The following IP6K2 variants were observed in gnomAD, a reference collection of about 807,000 sequenced individuals.
IP6K2 encodes inositol hexakisphosphate kinase 2.
Under a neutral mutation model 43.3 loss-of-function variants are expected in IP6K2, and 9 were observed. That is an observed-to-expected ratio of 0.21 (90% CI 0.13 to 0.36). The LOEUF (loss-of-function observed/expected upper bound fraction) is 0.36. IP6K2 is among the 10% of genes least tolerant of loss of function. The probability of loss-of-function intolerance (pLI) is 1.00; values close to 1 mark genes in which losing one functional copy is unlikely to be tolerated. For missense variants in IP6K2, 332 were observed against 538.4 expected (o/e 0.62, Z 3.79); for synonymous variants, 209 against 202.4 (o/e 1.03, Z -0.28).
At chr3:48,709,055 G>C (rs535460383) in intron 1 of IP6K2, among the ~76,000 whole-genome samples, 1 of 152,208 alleles carries the variant, frequency 6.6e-6, no homozygotes, top group East Asian at 1.9e-4. Flanking sequence ...GTGACAGAGC[G>C]AGACACTGTC....
At chr3:48,703,182 C>G (rs1322490651) in intron 1 of IP6K2, among the ~76,000 whole-genome samples, 1 of 152,180 alleles carries the variant, frequency 6.6e-6, no homozygotes, top group Non-Finnish European at 1.5e-5. Flanking sequence ...AAACAAAACC[C>G]AAGTTCTTAA....
intron 1 of IP6K2, among the ~76,000 whole-genome samples, chr3:48,698,055 C>A (rs1362491019): frequency 6.6e-6 from 1 of 152,044 alleles, no homozygotes; most frequent in Non-Finnish European, 1.5e-5. Flanking sequence ...CAGGAAGGCA[C>A]GTATTGAGAA....
chr3:48,692,415 C>A (rs2077882451), intron 3 of IP6K2, among the ~76,000 whole-genome samples: 1 of 152,214 alleles, frequency 6.6e-6, no homozygotes, highest in Admixed American at 6.5e-5. Flanking sequence ...TCCAGTACAA[C>A]CAGGTTCCCC....
intron 1 of IP6K2, among the ~76,000 whole-genome samples, chr3:48,705,976 C>T (rs1361029293): frequency 6.6e-6 from 1 of 151,476 alleles, no homozygotes; most frequent in Non-Finnish European, 1.5e-5. Context: ...GAGGCCAAGG[C>T]AGGTGGATCA....
At position 48,690,802 on chromosome 3, in the gene IP6K2, AAGAAAAAAAAGAG is replaced by A. The variant is rs1433376477; in HGVS notation, c.604+492_604+504del. Among the ~76,000 whole-genome samples the A allele has an allele frequency of 7.0e-3, 1,056 of 151,256 alleles. 13 individuals carry two copies. The highest frequency in any genetic ancestry group is 0.025 in the African/African-American group (1,016 of 41,210). ...GACTCTGTCTCAAAAAAAAAAAAAA[AAGAAAAAAAAGAG>A]AGAGAGAGGAAAAAAAGAAAAGAGA... On this transcript the variant is annotated intron_variant, in intron 4 of 5. Transcript: ENST00000328631.
intron 1 of IP6K2, among the ~76,000 whole-genome samples, chr3:48,698,469 A>T (rs759437884): frequency 1.2e-4 from 18 of 151,782 alleles, no homozygotes; most frequent in Non-Finnish European, 2.1e-4. Flanking sequence ...CATCTCTACA[A>T]TTTTTTTGTT....
At chr3:48,700,899 A>AC (rs2078945635) in intron 1 of IP6K2, among the ~76,000 whole-genome samples, 1 of 152,196 alleles carries the variant, frequency 6.6e-6, no homozygotes, top group South Asian at 2.1e-4. Flanking sequence ...CAGAGCCACC[A>AC]CCCAGCATCT....
chr3:48,696,087 C>T lies in IP6K2; in HGVS notation c.-130-666G>A, dbSNP rs375587687. On this transcript the variant is annotated intron_variant, in intron 1 of 5. Transcript: ENST00000328631. Reference sequence around the variant, plus strand: ...TTTTAGTAGAGACGGGGTTTCACCACGTTGGCTGGCATGGTCTTGATCTCT... The same window carrying T: ...TTTTAGTAGAGACGGGGTTTCACCATGTTGGCTGGCATGGTCTTGATCTCT... Among the ~76,000 whole-genome samples the T allele has an allele frequency of 1.8e-4, 27 of 151,788 alleles. No homozygotes were observed. In the East Asian group the frequency reaches 2.5e-3, roughly 14 times the overall value.
intron 1 of IP6K2, among the ~76,000 whole-genome samples, chr3:48,716,884 G>A (rs2107142694): frequency 6.6e-6 from 1 of 151,774 alleles, no homozygotes; most frequent in African/African-American, 2.4e-5. Flanking sequence ...CCCCAAACCC[G>A]GGAGACCCCC....
chr3:48,715,731 T>G (rs2081117473), intron 1 of IP6K2, among the ~76,000 whole-genome samples: 1 of 150,414 alleles, frequency 6.6e-6, no homozygotes, highest in Non-Finnish European at 1.5e-5. Context: ...TTTTTTTTTT[T>G]GTAGAGACAG....
chr3:48,706,575 T>C (rs2079809853), intron 1 of IP6K2, among the ~76,000 whole-genome samples: 1 of 152,050 alleles, frequency 6.6e-6, no homozygotes, highest in South Asian at 2.1e-4. Context: ...TCAGGCCAGG[T>C]GCGGTGGCTC....
Position 48,688,747 on chromosome 3 carries a change from G to A in IP6K2, c.807C>T (p.Leu269=), listed in dbSNP as rs141913549. The A allele has an allele frequency of 2.5e-6, 4 of 1,612,874 alleles. No individual in the cohort carries two copies. The highest frequency in any genetic ancestry group is 1.7e-5 in the Admixed American group (1 of 59,966). Residue 269 remains leucine, a synonymous_variant, in exon 6 of 6, where the codon CTC becomes CTT. Coordinates refer to ENST00000328631, the MANE Select transcript of IP6K2 (RefSeq NM_016291.4). This position sits in a 1 kb window ranked among gnomAD's most constrained non-coding sequence, Gnocchi z 5.1. ...GTCCATGGTACTTGTTCATGAACAT[G>A]AGCTGCCCACTGCCTGCTTGGTACA... The part of the protein sequence containing the change: ...MQVYQAGSGQ[L]MFMNKYHGRK...
At position 48,695,514 on chromosome 3, in the gene IP6K2, GAC is replaced by G. The variant is rs771825125; in HGVS notation, c.-130-95_-130-94del. ...CCTGCTCCTTCAGCAGAAAGACAAA[GAC>G]AAACAGTCTGAGTTCTTGCGGGACT... is the stretch of plus-strand genomic sequence containing the variant. On this transcript the variant is annotated intron_variant, in intron 1 of 5. Coordinates refer to ENST00000328631, the MANE Select transcript of IP6K2 (RefSeq NM_016291.4). This position sits in a 1 kb window ranked among gnomAD's most constrained non-coding sequence, Gnocchi z 4.6. The G allele has an allele frequency of 5.0e-5, 65 of 1,298,744 alleles. No homozygotes were observed. Among genetic ancestry groups the G allele is most frequent in the Non-Finnish European group, 6.2e-5 (63 of 1,021,758 alleles). The allele number at this position is 1,298,744 out of a possible 1,614,324, so 80.5% of individuals were successfully genotyped here. A position where few individuals can be genotyped will look rare whatever the true frequency, so the allele number is the denominator to read the frequency against.
At chr3:48,693,370 A>T in intron 2 of IP6K2, 191 bp from the exon 3 acceptor site, 2 of 1,146,458 alleles carry the variant, frequency 1.7e-6, no homozygotes, top group Non-Finnish European at 1.3e-6. Context: ...AAGACAAGCA[A>T]TTAGGGAGCA....
intron 1 of IP6K2, among the ~76,000 whole-genome samples, chr3:48,714,980 C>T (rs1382113223): frequency 1.3e-5 from 2 of 152,050 alleles, no homozygotes; most frequent in African/African-American, 2.4e-5. Context: ...TGCATCATCT[C>T]GGCAAATTGA....
At position 48,688,447 on chromosome 3, in the gene IP6K2, G is replaced by A; in HGVS notation, c.1107C>T (p.Tyr369=). 1 of 1,614,224 alleles carries A rather than the reference G, an allele frequency of 6.2e-7. No homozygotes were observed. The highest frequency in any genetic ancestry group is 1.6e-4 in the Middle Eastern group (1 of 6,062). The part of the protein sequence containing the change: ...SADESAGAYA[Y]KPIGASSVDV... The stretch of plus-strand genomic sequence containing the variant: ...CTACAGAGCTGGCGCCGATGGGTTT[G>A]TAGGCATAGGCACCAGCAGACTCAT... The change falls in exon 6 of 6, where the codon TAC becomes TAT. Residue 369 remains tyrosine, a synonymous_variant. Transcript: ENST00000328631. The surrounding 1 kb of genome is among the most constrained non-coding windows in gnomAD (Gnocchi z 5.1).
At chr3:48,703,744 T>A (rs1431902757) in intron 1 of IP6K2, among the ~76,000 whole-genome samples, 1 of 151,096 alleles carries the variant, frequency 6.6e-6, no homozygotes, top group Admixed American at 6.6e-5. Context: ...AAAACAAAAA[T>A]ATCTCTTGCT....
In IP6K2 at chr3:48,695,329, C is replaced by T. The variant is rs759267272; in HGVS notation, c.-38G>A. On this transcript the variant is annotated 5_prime_UTR_variant, in exon 2 of 6. Transcript: ENST00000328631. This position sits in a 1 kb window ranked among gnomAD's most constrained non-coding sequence, Gnocchi z 4.6. ...GATGGCGGGGAGATGGGGGAGGCAG[C>T]GGAGTCCAGCGGCCAGTACGTCTTC... The T allele has an allele frequency of 2.3e-5, 37 of 1,583,824 alleles. No homozygotes were observed. Among genetic ancestry groups the T allele is most frequent in the Non-Finnish European group, 2.8e-5 (33 of 1,164,370 alleles).
Position 48,695,476 on chromosome 3 carries a change from T to C in IP6K2, c.-130-55A>G. On this transcript the variant is annotated intron_variant, in intron 1 of 5. Transcript: ENST00000328631. The surrounding 1 kb of genome is among the most constrained non-coding windows in gnomAD (Gnocchi z 4.6). ...GTTCGAAGTAGCGTGGGAAGTGCCT[T>C]AGAGCTGCTCACCCTGCTCCTTCAG... The C allele has an allele frequency of 1.0e-5, 14 of 1,353,656 alleles. No homozygotes were observed. The highest frequency in any genetic ancestry group is 1.2e-5 in the Non-Finnish European group (13 of 1,050,506). The allele number at this position is 1,353,656 out of a possible 1,614,324, so 83.9% of individuals were successfully genotyped here.
Sources: allele counts gnomAD v4.1 joint callset (sites outside exome capture counted in the v4.1 genomes callset), GRCh38; gene constraint gnomAD v4.1.1; non-coding constraint Gnocchi (gnomAD v3.1); transcripts MANE v1.5; gene names NCBI Gene and HGNC (gene_info 2026-07-23, HGNC 2026-07-21).